The following PPP3CC variants were observed in gnomAD, a reference collection of about 807,000 sequenced individuals.
PPP3CC encodes protein phosphatase 3 catalytic subunit gamma.
Under a neutral mutation model 60.3 loss-of-function variants are expected in PPP3CC, and 35 were observed. That is an observed-to-expected ratio of 0.58 (90% confidence interval 0.44 to 0.77). The LOEUF is 0.77. Ranked by LOEUF, PPP3CC falls within the 30% of genes least tolerant of loss-of-function variation. The pLI is 0.00. For missense variants in PPP3CC, 570 were observed against 628.9 expected, an observed-to-expected ratio of 0.91 and a Z score of 1.00; for synonymous variants, 206 against 224.3, an observed-to-expected ratio of 0.92 and a Z score of 0.73.
intron 3 of PPP3CC, among the ~76,000 whole-genome samples, chr8:22,485,366 C>T (rs1401958844): frequency 2.0e-5 from 3 of 152,152 alleles, no homozygotes; most frequent in Non-Finnish European, 4.4e-5. Flanking sequence ...AATCCCTTCC[C>T]TGAGACCCCA....
At chr8:22,540,173 T>C (rs905225248) in intron 13 of PPP3CC, among the ~76,000 whole-genome samples, 1 of 152,224 alleles carries the variant, frequency 6.6e-6, no homozygotes, top group Non-Finnish European at 1.5e-5. Flanking sequence ...TTAGCTCTTT[T>C]GTTACTTTTT....
intron 12 of PPP3CC, among the ~76,000 whole-genome samples, chr8:22,539,007 A>G (rs939921478): frequency 3.9e-5 from 6 of 152,084 alleles, no homozygotes; most frequent in African/African-American, 1.4e-4. Flanking sequence ...GAAGTAATTA[A>G]TAGGGCAGTT....
At chr8:22,483,586 C>T (rs1204352123) in intron 3 of PPP3CC, among the ~76,000 whole-genome samples, 1 of 152,072 alleles carries the variant, frequency 6.6e-6, no homozygotes, top group Admixed American at 6.6e-5. Flanking sequence ...GCGCCCAGTC[C>T]CATATGTCAT....
chr8:22,461,577 A>C (rs1388094531), intron 1 of PPP3CC, among the ~76,000 whole-genome samples: 1 of 152,204 alleles, frequency 6.6e-6, no homozygotes, highest in Non-Finnish European at 1.5e-5. Flanking sequence ...GTCAGCCACC[A>C]GTTTCCTGCC....
At chr8:22,459,682 A>C (rs1005052526) in intron 1 of PPP3CC, among the ~76,000 whole-genome samples, 1 of 152,204 alleles carries the variant, frequency 6.6e-6, no homozygotes, top group African/African-American at 2.4e-5. Flanking sequence ...AAGAAGTACA[A>C]GAGATTATTT....
chr8:22,520,414 C>A (rs1482651315), intron 6 of PPP3CC, among the ~76,000 whole-genome samples: 1 of 152,136 alleles, frequency 6.6e-6, no homozygotes, highest in Non-Finnish European at 1.5e-5. Flanking sequence ...CTTTCTGCCC[C>A]TTTTTCTTCT....
intron 3 of PPP3CC, among the ~76,000 whole-genome samples, chr8:22,478,085 C>T (rs986197169): frequency 3.3e-5 from 5 of 151,952 alleles, no homozygotes; most frequent in South Asian, 2.1e-4. Context: ...CTGCTGACCT[C>T]GTGGTCCACC....
chr8:22,497,115 C>T (rs747176295), intron 3 of PPP3CC, among the ~76,000 whole-genome samples: 5 of 151,992 alleles, frequency 3.3e-5, no homozygotes, highest in African/African-American at 7.2e-5. Context: ...TGGCAACCTC[C>T]GCTTCCCGGG....
intron 1 of PPP3CC, among the ~76,000 whole-genome samples, chr8:22,468,354 C>G (rs994262708): frequency 6.6e-6 from 1 of 152,210 alleles, no homozygotes; most frequent in African/African-American, 2.4e-5. Context: ...ATCTGCCTAC[C>G]TTGGCCTCCC....
rs146052367 is a variant in PPP3CC, at chr8:22,459,974, T to C, written c.50-14980T>C. ...GCAAGCCACAGAATGGGAGAAAATA[T>C]CTATACTGCATTAGTGGAGTTTACT... On this transcript the variant is annotated intron_variant, in intron 1 of 13. Transcript: ENST00000240139. Among the ~76,000 whole-genome samples the C allele has an allele frequency of 5.9e-3, 901 of 152,288 alleles. 10 individuals carry two copies. Among genetic ancestry groups the C allele is most frequent in the African/African-American group, 0.021 (867 of 41,556 alleles).
rs576468446 is a variant in PPP3CC at position 22,517,667 on chromosome 8, G to A, written c.770+4235G>A. The stretch of plus-strand genomic sequence containing the variant: ...GGTGTGTGATTATTCGTAATAGTCC[G>A]TTATGATCCCTTTTATTTCTGAGGC... On this transcript the variant is annotated intron_variant, in intron 6 of 13. Transcript: ENST00000240139. 4.6e-5 allele frequency among the ~76,000 whole-genome samples: 7 copies of A among 152,162 alleles called. No individual in the cohort carries two copies. In the South Asian group the frequency reaches 8.3e-4, roughly 18 times the overall value.
intron 6 of PPP3CC, among the ~76,000 whole-genome samples, chr8:22,518,659 C>A (rs1839318047): frequency 6.6e-6 from 1 of 152,086 alleles, no homozygotes; most frequent in South Asian, 2.1e-4. Context: ...TTATCCATTA[C>A]AGAGAATGAT....
intron 3 of PPP3CC, chr8:22,492,751 G>C (rs944698856): frequency 9.8e-7 from 1 of 1,021,730 alleles, no homozygotes; most frequent in African/African-American, 1.6e-5. Context: ...AAAAACTTCA[G>C]TTCTCCTTAA....
chr8:22,446,664 G>A (rs1836831861), intron 1 of PPP3CC, among the ~76,000 whole-genome samples: 1 of 151,990 alleles, frequency 6.6e-6, no homozygotes, highest in African/African-American at 2.4e-5. Flanking sequence ...AAATTAACTA[G>A]GCATGGTGGT....
In PPP3CC at chr8:22,522,698, C is replaced by T; in HGVS notation, c.892C>T (p.Leu298Phe). 1 of 1,606,914 alleles carries T rather than the reference C, an allele frequency of 6.2e-7. No individual in the cohort carries two copies. Among genetic ancestry groups the T allele is most frequent in the Non-Finnish European group, 8.5e-7 (1 of 1,173,680 alleles). The change falls in exon 8 of 14, where the codon CTT becomes TTT. Residue 298 changes from leucine (L) to phenylalanine (F), a missense_variant. Transcript: ENST00000240139. ...GAGCCAAGCCACAGGCTTTCCATCACTTATTACAATTTTCTCTGCCCCCAA... is the reference window on the plus strand; with the variant it reads ...GAGCCAAGCCACAGGCTTTCCATCATTTATTACAATTTTCTCTGCCCCCAA... ...RKSQATGFPSLITIFSAPNYL... is the reference protein window; with the variant it reads ...RKSQATGFPSFITIFSAPNYL...
intron 3 of PPP3CC, among the ~76,000 whole-genome samples, chr8:22,496,907 G>A (rs1466465579): frequency 6.6e-6 from 1 of 151,928 alleles, no homozygotes; most frequent in Non-Finnish European, 1.5e-5. Flanking sequence ...TTTTTTCCTT[G>A]TATGGATTTT....
At chr8:22,472,856 CATTCCT>C (rs1333658540) in intron 1 of PPP3CC, among the ~76,000 whole-genome samples, 1 of 152,138 alleles carries the variant, frequency 6.6e-6, no homozygotes, top group African/African-American at 2.4e-5. Context: ...TTCAGCTTTG[CATTCCT>C]ATTCCAGTTC....
chr8:22,443,511 ACT>A (rs1466952953), intron 1 of PPP3CC, among the ~76,000 whole-genome samples: 1 of 138,386 alleles, frequency 7.2e-6, no homozygotes, highest in Non-Finnish European at 1.5e-5. Flanking sequence ...ACAGAGTGAA[ACT>A]CTCTCTAAAA....
At chr8:22,469,553 A>G (rs1190415750) in intron 1 of PPP3CC, among the ~76,000 whole-genome samples, 2 of 152,066 alleles carry the variant, frequency 1.3e-5, no homozygotes, top group Admixed American at 6.6e-5. Flanking sequence ...AATTTGCACA[A>G]ATAAAAAGAG....
Sources: gnomAD v4.1 joint callset for allele counts (sites outside exome capture counted in the v4.1 genomes callset) on GRCh38, gnomAD v4.1.1 for gene constraint, MANE v1.5 for transcripts, NCBI Gene and HGNC (gene_info 2026-07-23, HGNC 2026-07-21) for gene names.